The following CCDC201 variants were observed in gnomAD, a reference collection of about 807,000 sequenced individuals.
CCDC201 encodes coiled-coil domain-containing protein 201.
At chr7:45,880,400 C>T in the CCDC201 span, among the ~76,000 whole-genome samples, 15 of 152,340 alleles carry the variant, frequency 9.8e-5, no homozygotes, top group Non-Finnish European at 1.6e-4. Context: ...GATCCTCATA[C>T]GGTAACTCCA....
chr7:45,874,135 G>C (rs999253403), upstream of CCDC201, among the ~76,000 whole-genome samples: 18 of 152,004 alleles, frequency 1.2e-4, no homozygotes, highest in African/African-American at 4.1e-4. Flanking sequence ...GCCCAGGCTG[G>C]TCTCGAACTC....
At chr7:45,882,293 C>T in the CCDC201 span, among the ~76,000 whole-genome samples, 12,427 of 152,176 alleles carry the variant, frequency 0.082, 904 homozygotes, top group African/African-American at 0.19. Context: ...CAGCCTCTGC[C>T]GTTGGCAGGA....
upstream of CCDC201, among the ~76,000 whole-genome samples, chr7:45,873,920 CTTTT>C (rs201948561): frequency 0.16 from 19,466 of 121,228 alleles, 1,525 homozygotes; most frequent in East Asian, 0.28. Context: ...CATTTACTTA[CTTTT>C]TTTTTTTTTT....
intron 2 of CCDC201, among the ~76,000 whole-genome samples, chr7:45,863,595 A>T (rs566533438): frequency 2.6e-5 from 4 of 152,288 alleles, no homozygotes; most frequent in Admixed American, 2.6e-4. Context: ...GGGCAGCTGC[A>T]GCAGGGAATG....
At chr7:45,866,358 G>A (rs1786672004) in exon 2 of CCDC201, 1 of 152,440 alleles carries the variant, frequency 6.6e-6, no homozygotes, top group Admixed American at 6.5e-5. Context: ...ACTGAGATAG[G>A]AGGCACCTCC....
At chr7:45,884,711 G>A in the CCDC201 span, among the ~76,000 whole-genome samples, 2 of 152,144 alleles carry the variant, frequency 1.3e-5, no homozygotes, top group Non-Finnish European at 2.9e-5. Flanking sequence ...TCCAAGACCA[G>A]CCATGGCCAG....
At chr7:45,880,713 C>T in the CCDC201 span, among the ~76,000 whole-genome samples, 21 of 152,242 alleles carry the variant, frequency 1.4e-4, no homozygotes. Flanking sequence ...CCAGGGTCAC[C>T]TGTCCTTAGT....
At chr7:45,876,612 C>T (rs1786811338), upstream of CCDC201, among the ~76,000 whole-genome samples, 3 of 152,230 alleles carry the variant, frequency 2.0e-5, no homozygotes, top group Admixed American at 2.0e-4. Flanking sequence ...TCTGTGACCT[C>T]CTGGCACATA....
intron 2 of CCDC201, 60 bp from the exon 3 acceptor site, chr7:45,863,231 T>C (rs887255810): frequency 2.6e-5 from 4 of 152,286 alleles, no homozygotes; most frequent in Non-Finnish European, 4.4e-5. Flanking sequence ...GACAAGCTCT[T>C]CTGCTGCAAA....
chr7:45,872,758 C>A (rs578093069), intron 1 of CCDC201, among the ~76,000 whole-genome samples: 1 of 152,308 alleles, frequency 6.6e-6, no homozygotes, highest in South Asian at 2.1e-4. Flanking sequence ...AGAGGAGACT[C>A]TGGGCAAGGC....
At chr7:45,881,573 C>T in the CCDC201 span, among the ~76,000 whole-genome samples, 1 of 152,098 alleles carries the variant, frequency 6.6e-6, no homozygotes, top group African/African-American at 2.4e-5. Flanking sequence ...GTGGTCTAAC[C>T]CACCCCCCTT....
At chr7:45,866,980 A>T (rs757499716) in intron 1 of CCDC201, among the ~76,000 whole-genome samples, 4 of 152,214 alleles carry the variant, frequency 2.6e-5, no homozygotes, top group Non-Finnish European at 5.9e-5. Context: ...CCTGGAGGTA[A>T]CATCCCAACC....
At chr7:45,872,276 G>T (rs1786750466) in intron 1 of CCDC201, among the ~76,000 whole-genome samples, 1 of 152,234 alleles carries the variant, frequency 6.6e-6, no homozygotes, top group Admixed American at 6.5e-5. Flanking sequence ...GGACTGCTGG[G>T]TTGGGAGAGG....
intron 1 of CCDC201, among the ~76,000 whole-genome samples, chr7:45,866,753 T>C (rs1310739973): frequency 6.6e-6 from 1 of 152,176 alleles, no homozygotes; most frequent in Non-Finnish European, 1.5e-5. Flanking sequence ...ACAGTAAGCA[T>C]TGTCAGAGAT....
chr7:45,875,868 C>T (rs542387069), upstream of CCDC201, among the ~76,000 whole-genome samples: 9 of 152,278 alleles, frequency 5.9e-5, no homozygotes, highest in African/African-American at 1.9e-4. Flanking sequence ...GTCTAAGTTC[C>T]CTGTCATAAG....
At chr7:45,884,737 T>C in the CCDC201 span, among the ~76,000 whole-genome samples, 1 of 152,170 alleles carries the variant, frequency 6.6e-6, no homozygotes, top group Non-Finnish European at 1.5e-5. Flanking sequence ...TATGGAGACG[T>C]ACCCAGACAC....
intron 1 of CCDC201, among the ~76,000 whole-genome samples, chr7:45,871,944 A>G (rs2116525437): frequency 6.6e-6 from 1 of 152,304 alleles, no homozygotes; most frequent in East Asian, 1.9e-4. Flanking sequence ...AAACTGGAAC[A>G]TCTTCTATGG....
chr7:45,882,271 C>A, the CCDC201 span, among the ~76,000 whole-genome samples: 1 of 152,292 alleles, frequency 6.6e-6, no homozygotes, highest in East Asian at 1.9e-4. Context: ...GACTGCACCA[C>A]CCCAGAGGTC....
chr7:45,885,171 A>C, the CCDC201 span, among the ~76,000 whole-genome samples: 1 of 152,168 alleles, frequency 6.6e-6, no homozygotes, highest in Admixed American at 6.5e-5. Context: ...GACCAGAGTC[A>C]TGGGGTTAGG....
Sources: allele counts gnomAD v4.1 joint callset (sites outside exome capture counted in the v4.1 genomes callset), GRCh38; gene constraint gnomAD v4.1.1; transcripts MANE v1.5; gene names NCBI Gene and HGNC (gene_info 2026-07-23, HGNC 2026-07-21).